Variants in AGAP1 observed in about 807,000 individuals in gnomAD.
AGAP1 encodes the protein arf-GAP with GTPase, ANK repeat and PH domain-containing protein 1.
A neutral mutation model predicts 105.3 loss-of-function variants in AGAP1; 29 were observed. That is an observed-to-expected ratio of 0.28 (90% CI 0.21 to 0.38). AGAP1 has a LOEUF of 0.38. Among genes scored for constraint, AGAP1 ranks in the 10% least tolerant of loss-of-function variants. The pLI is 1.00. For synonymous variants in AGAP1, 509 were observed against 485.9 expected, an observed-to-expected ratio of 1.05 and a Z score of -0.63; for missense variants, 998 against 1,165.1, an observed-to-expected ratio of 0.86 and a Z score of 2.09.
At chr2:235,748,999 A>T (rs1419626576) in intron 5 of AGAP1, among the ~76,000 whole-genome samples, 1 of 152,214 alleles carries the variant, frequency 6.6e-6, no homozygotes, top group African/African-American at 2.4e-5. Flanking sequence ...ACTTGAGGCC[A>T]GGAGTTGAGA....
rs999564107 is a variant in AGAP1 at position 236,056,287 on chromosome 2, G to A, written c.2114+7006G>A. On this transcript the variant is annotated intron_variant, in intron 16 of 17. Coordinates refer to ENST00000304032, the MANE Select transcript of AGAP1 (RefSeq NM_001037131.3). This position sits in a 1 kb window ranked among gnomAD's most constrained non-coding sequence, Gnocchi z 4.6. ...GAACCCCAGTTATTTGTTTGATCCT[G>A]CAAGAAACCAGTGTGTGCTTGGAGC... Among the ~76,000 whole-genome samples the A allele has an allele frequency of 6.6e-6, 1 of 152,168 alleles. No homozygotes were observed. The highest frequency in any genetic ancestry group is 2.1e-4 in the South Asian group (1 of 4,824).
At chr2:235,813,279 T>C (rs1173273737) in intron 9 of AGAP1, among the ~76,000 whole-genome samples, 1 of 152,226 alleles carries the variant, frequency 6.6e-6, no homozygotes, top group Non-Finnish European at 1.5e-5. Context: ...AAATCCATCA[T>C]TTATATGCAA....
In AGAP1 at chr2:235,992,038, G is replaced by A. The variant is rs1575991111; in HGVS notation, c.1645+23415G>A. ...TGTGAAGGCCCGTTGAGACTGCTCA[G>A]TTGGTGTCTCCTCTGTCCACAGGAC... On this transcript the variant is annotated intron_variant, in intron 13 of 17. Transcript: ENST00000304032. The surrounding 1 kb of genome is among the most constrained non-coding windows in gnomAD (Gnocchi z 4.8). Among the ~76,000 whole-genome samples, 3 of 152,246 alleles carry A rather than the reference G, an allele frequency of 2.0e-5. No individual in the cohort carries two copies. In the East Asian group the frequency reaches 5.8e-4, roughly 29 times the overall value.
chr2:235,996,859 G>A (rs1479630197), intron 13 of AGAP1, among the ~76,000 whole-genome samples: 1 of 152,214 alleles, frequency 6.6e-6, no homozygotes, highest in Non-Finnish European at 1.5e-5. Flanking sequence ...GGGAACCACT[G>A]AAAGAGATTA....
At chr2:235,711,509 C>A (rs896578632) in intron 2 of AGAP1, among the ~76,000 whole-genome samples, 1 of 152,198 alleles carries the variant, frequency 6.6e-6, no homozygotes, top group Non-Finnish European at 1.5e-5. Context: ...CATTCTGAAA[C>A]GGACTGTCTT....
rs1052521356 is a variant in AGAP1 at position 235,611,939 on chromosome 2, G to A, written c.164-97240G>A. Among the ~76,000 whole-genome samples the A allele has an allele frequency of 1.3e-5, 2 of 152,186 alleles. No individual in the cohort carries two copies. The highest frequency in any genetic ancestry group is 1.3e-4 in the Admixed American group (2 of 15,278). ...TGCTTGTGGGCACGGTTTAAGGGTT[G>A]AGACCACATCCTAGGTGGCGGTCAC... On this transcript the variant is annotated intron_variant, in intron 1 of 17. Transcript: ENST00000304032. The surrounding 1 kb of genome is among the most constrained non-coding windows in gnomAD (Gnocchi z 5.0).
intron 1 of AGAP1, among the ~76,000 whole-genome samples, chr2:235,548,026 C>T (rs576849181): frequency 6.6e-6 from 1 of 152,358 alleles, no homozygotes; most frequent in East Asian, 1.9e-4. Context: ...TATTTGTTAG[C>T]CAAGCTGCGG....
At chr2:235,829,559 G>A (rs1959191913) in intron 9 of AGAP1, among the ~76,000 whole-genome samples, 1 of 152,164 alleles carries the variant, frequency 6.6e-6, no homozygotes, top group African/African-American at 2.4e-5. Context: ...AAGCCAGTTG[G>A]GTAGTTTTCC....
At chr2:235,926,556 T>C (rs1343055381) in intron 11 of AGAP1, among the ~76,000 whole-genome samples, 1 of 152,276 alleles carries the variant, frequency 6.6e-6, no homozygotes, top group East Asian at 1.9e-4. Flanking sequence ...TAATTTTTTT[T>C]AGTCAAATAT....
chr2:235,817,936 G>A (rs965198721), intron 9 of AGAP1, among the ~76,000 whole-genome samples: 1 of 152,160 alleles, frequency 6.6e-6, no homozygotes, highest in Non-Finnish European at 1.5e-5. Context: ...TTCCTAGTTA[G>A]ACATTGTCCA....
rs530246207 is a variant in AGAP1 at position 235,860,866 on chromosome 2, G to C, written c.1051-22479G>C. Among the ~76,000 whole-genome samples the C allele has an allele frequency of 2.2e-4, 33 of 152,236 alleles. No homozygotes were observed. The South Asian group carries it at 6.2e-3, about 29-fold the overall frequency. ...AGACTGCATTATTTGCCAAAACGGA[G>C]ATGTGCAATTATTTAATATTGTTGA... On this transcript the variant is annotated intron_variant, in intron 9 of 17. Coordinates refer to ENST00000304032, the MANE Select transcript of AGAP1 (RefSeq NM_001037131.3).
At chr2:235,918,866 G>T (rs1208033506) in intron 11 of AGAP1, among the ~76,000 whole-genome samples, 1 of 152,012 alleles carries the variant, frequency 6.6e-6, no homozygotes, top group Non-Finnish European at 1.5e-5. Flanking sequence ...TCAATTATTT[G>T]AACTCTAAGT....
intron 16 of AGAP1, among the ~76,000 whole-genome samples, chr2:236,106,247 G>A (rs577913142): frequency 1.3e-5 from 2 of 152,358 alleles, no homozygotes; most frequent in East Asian, 3.9e-4. Flanking sequence ...TTTGATTGAA[G>A]CCTAAGGACC....
In AGAP1 at chr2:235,750,476, G is replaced by A. The variant is rs1270603874; in HGVS notation, c.661G>A (p.Val221Ile). The change falls in exon 6 of 18, where the codon GTC (valine) becomes ATC (isoleucine). Residue 221 changes from valine to isoleucine, a missense_variant. This residue lies in a region of AGAP1 where 735 missense variants were observed against 833.4 expected (regional missense o/e 0.88). Transcript: ENST00000304032. This position sits in a 1 kb window ranked among gnomAD's most constrained non-coding sequence, Gnocchi z 5.3. ...TACATACGGGCTGAATGTGGAGAGG[G>A]TCTTCCAGGACGGTAAATGCGCGTG... is the stretch of plus-strand genomic sequence containing the variant. ...CATYGLNVER[V>I]FQDVAQKIVA... 6.2e-7 allele frequency: 1 copy of A among 1,614,218 alleles called. No individual in the cohort carries two copies. Among genetic ancestry groups the A allele is most frequent in the Non-Finnish European group, 8.5e-7 (1 of 1,180,030 alleles).
rs946914301 is a variant in AGAP1, at chr2:235,842,493, A to C, written c.1050+35162A>C. 6.6e-6 allele frequency among the ~76,000 whole-genome samples: 1 copy of C among 152,176 alleles called. No homozygotes were observed. The highest frequency in any genetic ancestry group is 1.5e-5 in the Non-Finnish European group (1 of 68,030). ...GCCACTGGGTCTCAGTGCATTAATAAAGCAGTGTGCTTATTACCCAGCCAC... is the reference window on the plus strand; with the variant it reads ...GCCACTGGGTCTCAGTGCATTAATACAGCAGTGTGCTTATTACCCAGCCAC... On this transcript the variant is annotated intron_variant, in intron 9 of 17. Transcript: ENST00000304032. This position sits in a 1 kb window ranked among gnomAD's most constrained non-coding sequence, Gnocchi z 5.3.
In AGAP1 at chr2:235,731,570, G is replaced by T. The variant is rs78675624; in HGVS notation, c.311-9393G>T. Among the ~76,000 whole-genome samples the T allele has an allele frequency of 7.2e-5, 11 of 152,258 alleles. No homozygotes were observed. In the East Asian group the frequency reaches 2.1e-3, roughly 29 times the overall value. On this transcript the variant is annotated intron_variant, in intron 3 of 17. Transcript: ENST00000304032. ...AGAAGACAGGCATCTCTCATGTTCT[G>T]GTTGTTGCAGTTTTGCTTCTTCTGT... is the stretch of plus-strand genomic sequence containing the variant.
Position 236,035,906 on chromosome 2 carries a change from A to G in AGAP1, c.1646-655A>G, listed in dbSNP as rs2057365492. ...AGTCCAGGAACTTGCCCAAAGACTT[A>G]GATGTGGCAGGTGGGGTCGCAGGGT... is the stretch of plus-strand genomic sequence containing the variant. On this transcript the variant is annotated intron_variant, in intron 13 of 17. Coordinates refer to ENST00000304032, the MANE Select transcript of AGAP1 (RefSeq NM_001037131.3). The surrounding 1 kb of genome is among the most constrained non-coding windows in gnomAD (Gnocchi z 4.2). 6.6e-6 allele frequency among the ~76,000 whole-genome samples: 1 copy of G among 152,076 alleles called. No individual in the cohort carries two copies.
At chr2:235,671,216 C>T (rs115677393) in intron 1 of AGAP1, among the ~76,000 whole-genome samples, 5,461 of 152,316 alleles carry the variant, frequency 0.036, 154 homozygotes, top group Non-Finnish European at 0.052. Context: ...CAGGGCGCAG[C>T]GGTCCTGGGT....
At position 236,121,014 on chromosome 2, in the gene AGAP1, C is replaced by A. The variant is rs6748968; in HGVS notation, c.2370+567C>A. On this transcript the variant is annotated intron_variant, in intron 17 of 17. Transcript: ENST00000304032. This position sits in a 1 kb window ranked among gnomAD's most constrained non-coding sequence, Gnocchi z 4.9. ...CCCTGCCTGTGCCACCCAGGAGCTA[C>A]GTCTGAGAAGCCACGCCCACTTAGG... Among the ~76,000 whole-genome samples, 8 of 152,048 alleles carry A rather than the reference C, an allele frequency of 5.3e-5. No homozygotes were observed. The highest frequency in any genetic ancestry group is 1.9e-4 in the African/African-American group (8 of 41,386).
Sources: allele counts gnomAD v4.1 joint callset (sites outside exome capture counted in the v4.1 genomes callset), GRCh38; gene constraint gnomAD v4.1.1; regional missense constraint gnomAD v4.1.1; non-coding constraint Gnocchi (gnomAD v3.1); transcripts MANE v1.5; gene names NCBI Gene and HGNC (gene_info 2026-07-23, HGNC 2026-07-21).